Variants in WRN observed in about 807,000 individuals in gnomAD.
The protein encoded by WRN is bifunctional 3'-5' exonuclease/ATP-dependent helicase WRN.
Under a neutral mutation model 180.7 loss-of-function variants are expected in WRN, and 149 were observed. The ratio of observed to expected loss-of-function variants is 0.82; its 90% confidence interval spans 0.72 to 0.94. The LOEUF (loss-of-function observed/expected upper bound fraction) is 0.94, where lower values mean the gene tolerates loss of function less well. WRN is among the 40% of genes least tolerant of loss of function. The probability of loss-of-function intolerance (pLI) is 0.00; values close to 1 mark genes in which losing one functional copy is unlikely to be tolerated. For synonymous variants in WRN, 548 were observed against 568.9 expected (o/e 0.96, Z 0.52); for missense variants, 1,661 against 1,700.1 (o/e 0.98, Z 0.40).
intron 19 of WRN, among the ~76,000 whole-genome samples, chr8:31,115,638 GTA>G (rs1311558067): frequency 6.6e-6 from 1 of 152,050 alleles, no homozygotes. Context: ...ATCTAAAATA[GTA>G]TAGTCTTTTT....
At chr8:31,081,330 T>C (rs767798130) in intron 9 of WRN, 34 bp downstream of exon 9, 1 of 1,608,740 alleles carries the variant, frequency 6.2e-7, no homozygotes, top group South Asian at 1.1e-5. Flanking sequence ...TTTTTAGTTA[T>C]TAGTAGGTTC....
chr8:31,149,453 GTGTTTTTTTTTTTT>G (rs1196943765), intron 30 of WRN, among the ~76,000 whole-genome samples: 2 of 91,006 alleles, frequency 2.2e-5, no homozygotes, highest in African/African-American at 9.0e-5. Context: ...TTTAATAGAG[GTGTTTTTTTTTTTT>G]TTTTTTTTTT....
intron 16 of WRN, 44 bp from the exon 17 acceptor site, chr8:31,096,724 T>G: frequency 7.0e-7 from 1 of 1,430,700 alleles, no homozygotes; most frequent in South Asian, 1.2e-5. Context: ...ATGTTTCCCT[T>G]CCTGTTTTTT....
At chr8:31,123,589 T>C (rs548119355) in intron 21 of WRN, among the ~76,000 whole-genome samples, 1 of 152,282 alleles carries the variant, frequency 6.6e-6, no homozygotes, top group African/African-American at 2.4e-5. Flanking sequence ...TTGAGAATTA[T>C]GCAGAGGTAT....
In WRN at chr8:31,124,642, A is replaced by G. The variant is rs77434316; in HGVS notation, c.2732+19A>G. The G allele has an allele frequency of 1.6e-3, 2,457 of 1,576,688 alleles. 42 individuals carry two copies. In the African/African-American group the frequency reaches 0.03, roughly 19 times the overall value. ...GGAGACAGTATGTATTATTTATTTT[A>G]TGCCAATAGTATGGATTTATGGATG... On this transcript the variant is annotated intron_variant, in intron 22 of 34. Transcript: ENST00000298139.
At chr8:31,053,292 A>G (rs768318559) in intron 1 of WRN, among the ~76,000 whole-genome samples, 1 of 152,262 alleles carries the variant, frequency 6.6e-6, no homozygotes, top group South Asian at 2.1e-4. Context: ...AAAGCTTTAC[A>G]TTAAGTTCAA....
intron 20 of WRN, among the ~76,000 whole-genome samples, chr8:31,118,784 C>G (rs1379524562): frequency 6.6e-6 from 1 of 151,962 alleles, no homozygotes; most frequent in African/African-American, 2.4e-5. Context: ...TAGTCTTGAA[C>G]ATTCATTTTT....
chr8:31,122,260 A>G (rs536843374), intron 21 of WRN, among the ~76,000 whole-genome samples: 2 of 152,132 alleles, frequency 1.3e-5, no homozygotes, highest in South Asian at 4.1e-4. Context: ...AGAATTGAGC[A>G]AGGATTCAGG....
At position 31,174,615 on chromosome 8, in the gene WRN, G is replaced by A. The variant is rs1478789372; in HGVS notation, c.*1513G>A. Reference sequence around the variant, plus strand: ...GAAAAGTTGTGTTCCTCCACTGGAAGCTTGACAGCTTTCCTTAACATAAAG... The same window carrying A: ...GAAAAGTTGTGTTCCTCCACTGGAAACTTGACAGCTTTCCTTAACATAAAG... On this transcript the variant is annotated 3_prime_UTR_variant, in exon 35 of 35. Transcript: ENST00000298139. Among the ~76,000 whole-genome samples the A allele has an allele frequency of 6.6e-6, 1 of 152,202 alleles. No homozygotes were observed. The highest frequency in any genetic ancestry group is 1.5e-5 in the Non-Finnish European group (1 of 68,036).
At chr8:31,086,604 A>G (rs558823229) in intron 11 of WRN, among the ~76,000 whole-genome samples, 1 of 152,008 alleles carries the variant, frequency 6.6e-6, no homozygotes, top group South Asian at 2.1e-4. Context: ...AAAAAAAAGT[A>G]GATTGTGAAT....
chr8:31,089,587 C>CT (rs1165903067), intron 13 of WRN, among the ~76,000 whole-genome samples: 2 of 151,682 alleles, frequency 1.3e-5, no homozygotes, highest in Non-Finnish European at 2.9e-5. Context: ...TTATTTATGT[C>CT]TTACATACAG....
At chr8:31,058,279 A>G (rs991240640) in intron 1 of WRN, 93 bp from the exon 2 acceptor site, 4 of 599,924 alleles carry the variant, frequency 6.7e-6, no homozygotes, top group African/African-American at 3.7e-5. Context: ...TTGTGATTCT[A>G]GCTCTTATAA....
At chr8:31,157,620 C>A in intron 33 of WRN, 90 bp downstream of exon 33, 1 of 1,462,738 alleles carries the variant, frequency 6.8e-7, no homozygotes, top group Non-Finnish European at 9.4e-7. Flanking sequence ...CAGCATTAAT[C>A]CTTTATGCTA....
At chr8:31,059,899 A>G (rs1322076720) in intron 3 of WRN, among the ~76,000 whole-genome samples, 3 of 152,252 alleles carry the variant, frequency 2.0e-5, no homozygotes, top group African/African-American at 7.2e-5. Context: ...TACTAAAAAT[A>G]CAAAAAATTA....
At chr8:31,088,437 G>T (rs753867492) in intron 12 of WRN, among the ~76,000 whole-genome samples, 4 of 152,000 alleles carry the variant, frequency 2.6e-5, no homozygotes, top group Non-Finnish European at 4.4e-5. Context: ...CGAGATTTTC[G>T]TAACTAAATT....
intron 8 of WRN, among the ~76,000 whole-genome samples, chr8:31,077,142 A>C (rs1813124347): frequency 6.6e-6 from 1 of 152,230 alleles, no homozygotes; most frequent in African/African-American, 2.4e-5. Context: ...ATTGAGATTT[A>C]AAACCATGAT....
chr8:31,075,321 G>A lies in WRN; in HGVS notation c.725-852G>A, dbSNP rs887882095. Among the ~76,000 whole-genome samples the A allele has an allele frequency of 3.3e-5, 5 of 152,198 alleles. No individual in the cohort carries two copies. The South Asian group carries it at 1.0e-3, about 32-fold the overall frequency. On this transcript the variant is annotated intron_variant, in intron 7 of 34. Coordinates refer to ENST00000298139, the MANE Select transcript of WRN (RefSeq NM_000553.6). ...TAAATTCTAAGCAGGGGAAGTGTTT[G>A]GGAAAGCAGGGCAGGCTTTGTGCTG...
At chr8:31,154,577 T>C in intron 31 of WRN, 47 bp from the exon 32 acceptor site, 1 of 1,559,764 alleles carries the variant, frequency 6.4e-7, no homozygotes, top group Admixed American at 1.8e-5. Flanking sequence ...TATTCTATTA[T>C]TGTATTGATA....
At chr8:31,122,741 G>T (rs1350270710) in intron 21 of WRN, among the ~76,000 whole-genome samples, 1 of 150,618 alleles carries the variant, frequency 6.6e-6, no homozygotes, top group Admixed American at 6.7e-5. Context: ...GTTAAGAGTT[G>T]TAGTTTTGTT....
Sources: gnomAD v4.1 joint callset for allele counts (sites outside exome capture counted in the v4.1 genomes callset) on GRCh38, gnomAD v4.1.1 for gene constraint, MANE v1.5 for transcripts, NCBI Gene and HGNC (gene_info 2026-07-23, HGNC 2026-07-21) for gene names.